ATAD5: variants seen among roughly 807,000 people sequenced by gnomAD.
ATAD5 encodes the protein ATPase family AAA domain containing 5.
In ATAD5, 58 loss-of-function variants were observed where a neutral mutation model predicts 176.9. That is an observed-to-expected ratio of 0.33 (90% CI 0.27 to 0.41). The LOEUF (loss-of-function observed/expected upper bound fraction) is 0.41. Among genes scored for constraint, ATAD5 ranks in the 10% least tolerant of loss-of-function variants. The probability of loss-of-function intolerance (pLI) is 1.00; values close to 1 mark genes in which losing one functional copy is unlikely to be tolerated. For missense variants in ATAD5, 1,789 were observed against 2,094.1 expected, an observed-to-expected ratio of 0.85 and a Z score of 2.84; for synonymous variants, 640 against 712.6, an observed-to-expected ratio of 0.90 and a Z score of 1.62.
intron 22 of ATAD5, 31 bp downstream of exon 22, chr17:30,894,753 A>G (rs1488820770): frequency 6.4e-7 from 1 of 1,573,848 alleles, no homozygotes; most frequent in Non-Finnish European, 8.6e-7. Flanking sequence ...AACATTTTAG[A>G]TAGCTTTTTC....
chr17:30,852,891 C>CTTT (rs534378483), intron 6 of ATAD5, among the ~76,000 whole-genome samples: 1 of 141,636 alleles, frequency 7.1e-6, no homozygotes, highest in Admixed American at 7.1e-5. Context: ...ATATTTCTTT[C>CTTT]TTTTTTTTTT....
At position 30,843,987 on chromosome 17, in the gene ATAD5, T is replaced by C; in HGVS notation, c.2316T>C (p.Cys772=). 6.4e-7 allele frequency: 1 copy of C among 1,564,428 alleles called. No individual in the cohort carries two copies. Among genetic ancestry groups the C allele is most frequent in the Non-Finnish European group, 8.6e-7 (1 of 1,156,314 alleles). The change falls in exon 5 of 23, where the codon TGT becomes TGC. Residue 772 remains cysteine (C), a synonymous_variant. Coordinates refer to ENST00000321990, the MANE Select transcript of ATAD5 (RefSeq NM_024857.5). ...HPEKNQKKLQ[C]LNDVLGKKLN... ...AGAAAAATCAGAAGAAACTTCAGTG[T>C]TTGAATGATGTGCTAGGAAAAAAAC...
At chr17:30,891,772 G>A (rs1037294287) in intron 19 of ATAD5, among the ~76,000 whole-genome samples, 21 of 152,002 alleles carry the variant, frequency 1.4e-4, no homozygotes, top group Admixed American at 1.4e-3. Flanking sequence ...TGCAACCTCC[G>A]CCTCCCAGGT....
At chr17:30,860,950 C>T (rs1046047199) in intron 10 of ATAD5, among the ~76,000 whole-genome samples, 16 of 151,628 alleles carry the variant, frequency 1.1e-4, no homozygotes, top group African/African-American at 3.1e-4. Flanking sequence ...CACGGTCGCC[C>T]GGGCTGGAGC....
intron 2 of ATAD5, 123 bp downstream of exon 2, chr17:30,836,171 A>T: frequency 1.1e-6 from 1 of 887,906 alleles, no homozygotes; most frequent in Non-Finnish European, 1.6e-6. Context: ...AAGAAAAAGA[A>T]CAGGATTTCT....
chr17:30,894,666 C>G lies in ATAD5; in HGVS notation c.5400C>G (p.Thr1800=), dbSNP rs772410301. 2 of 1,613,254 alleles carry G rather than the reference C, an allele frequency of 1.2e-6. No homozygotes were observed. Among genetic ancestry groups the G allele is most frequent in the Non-Finnish European group, 8.5e-7 (1 of 1,179,652 alleles). Residue 1800 remains threonine, a synonymous_variant, in exon 22 of 23, where the codon ACC becomes ACG. Transcript: ENST00000321990. The part of the protein sequence containing the change: ...RQASIIEYLP[T]LRNICKTEKL... ...CTAGTATAATTGAATACCTGCCAAC[C>G]CTTCGAAACATCTGTAAGACTGAGA...
In ATAD5 at chr17:30,835,729, C is replaced by T; in HGVS notation, c.1648C>T (p.Leu550=). ...VYEDIANDDL[L]KVSSLCNNNK... ...TGAAGATATAGCAAATGATGACCTT[C>T]TAAAGGTTTCCTCTCTGTGTAACAA... The change falls in exon 2 of 23, where the codon CTA becomes TTA. Residue 550 remains leucine (L), a synonymous_variant. Coordinates refer to ENST00000321990, the MANE Select transcript of ATAD5 (RefSeq NM_024857.5). The T allele has an allele frequency of 6.2e-7, 1 of 1,612,140 alleles. No homozygotes were observed. Among genetic ancestry groups the T allele is most frequent in the Non-Finnish European group, 8.5e-7 (1 of 1,179,528 alleles).
At chr17:30,849,277 A>G (rs1906726910) in intron 6 of ATAD5, among the ~76,000 whole-genome samples, 1 of 152,060 alleles carries the variant, frequency 6.6e-6, no homozygotes, top group South Asian at 2.1e-4. Flanking sequence ...TCCCTCCACT[A>G]TAAGAGATGG....
intron 18 of ATAD5, 133 bp from the exon 19 acceptor site, chr17:30,887,059 A>C (rs1909362641): frequency 1.6e-6 from 1 of 632,476 alleles, no homozygotes; most frequent in African/African-American, 1.9e-5. Flanking sequence ...AAGCAGTTTC[A>C]TCCTCAAGAA....
Position 30,868,397 on chromosome 17 carries a change from G to C in ATAD5, c.3298G>C (p.Asp1100His). The stretch of plus-strand genomic sequence containing the variant: ...AAGGCAGAATCTGAAGGGAAAAAGA[G>C]ATGAGAAACATGAAGGTATTTTGTG... ...EERQNLKGKR[D>H]EKHEDFSGGI... Residue 1100 changes from aspartate to histidine, a missense_variant, in exon 12 of 23, where the codon GAT becomes CAT. Around this residue, in one of 6 missense-constraint regions of ATAD5, gnomAD observed 487 missense variants for 573.6 expected, o/e 0.85. Coordinates refer to ENST00000321990, the MANE Select transcript of ATAD5 (RefSeq NM_024857.5). 1 of 1,542,294 alleles carries C rather than the reference G, an allele frequency of 6.5e-7. No individual in the cohort carries two copies. The highest frequency in any genetic ancestry group is 8.7e-7 in the Non-Finnish European group (1 of 1,145,510).
At chr17:30,837,870 A>G (rs1233529420) in intron 3 of ATAD5, among the ~76,000 whole-genome samples, 2 of 152,156 alleles carry the variant, frequency 1.3e-5, no homozygotes, top group African/African-American at 4.8e-5. Context: ...TTTTCAGGGG[A>G]TGTATTCAGT....
chr17:30,860,315 C>A, intron 9 of ATAD5, 118 bp from the exon 10 acceptor site: 1 of 1,183,480 alleles, frequency 8.4e-7, no homozygotes, highest in Non-Finnish European at 1.2e-6. Flanking sequence ...TGAGCCACTG[C>A]ACCTGGATTG....
intron 1 of ATAD5, among the ~76,000 whole-genome samples, chr17:30,833,515 A>G (rs768059520): frequency 4.6e-5 from 7 of 152,230 alleles, no homozygotes; most frequent in Non-Finnish European, 4.4e-5. Context: ...TTTTTGAAAA[A>G]TTAAATGGAA....
At chr17:30,873,491 T>C (rs945402530) in intron 14 of ATAD5, among the ~76,000 whole-genome samples, 1 of 151,872 alleles carries the variant, frequency 6.6e-6, no homozygotes, top group Admixed American at 6.6e-5. Flanking sequence ...CTAATATTTG[T>C]GTTTTTAGTA....
At position 30,855,134 on chromosome 17, in the gene ATAD5, T is replaced by C; in HGVS notation, c.2451-9T>C. The C allele has an allele frequency of 6.3e-7, 1 of 1,578,116 alleles. No individual in the cohort carries two copies. Among genetic ancestry groups the C allele is most frequent in the Non-Finnish European group, 8.6e-7 (1 of 1,164,064 alleles). On this transcript the variant is annotated splice_polypyrimidine_tract_variant and intron_variant, in intron 6 of 22. Coordinates refer to ENST00000321990, the MANE Select transcript of ATAD5 (RefSeq NM_024857.5). Reference sequence around the variant, plus strand: ...TTAGCTTTTCTTTTTCAAATCATTTTCTTAAAAGTCAAGATACATCTGAAA... The same window carrying C: ...TTAGCTTTTCTTTTTCAAATCATTTCCTTAAAAGTCAAGATACATCTGAAA...
At chr17:30,847,447 C>T (rs1243379719) in intron 6 of ATAD5, among the ~76,000 whole-genome samples, 1 of 151,864 alleles carries the variant, frequency 6.6e-6, no homozygotes, top group Non-Finnish European at 1.5e-5. Context: ...TCTCCTGCCT[C>T]AGACTCCCGA....
In ATAD5 at chr17:30,837,190, C is replaced by T. The variant is rs1905798511; in HGVS notation, c.1968-16C>T. 3 of 1,335,250 alleles carry T rather than the reference C, an allele frequency of 2.2e-6. No individual in the cohort carries two copies. Among genetic ancestry groups the T allele is most frequent in the Non-Finnish European group, 2.1e-6 (2 of 972,374 alleles). 82.7% of individuals were successfully genotyped at this position (1,335,250 alleles called of 1,614,324 possible). A position where few individuals can be genotyped will look rare whatever the true frequency, so the allele number is the denominator to read the frequency against. On this transcript the variant is annotated splice_polypyrimidine_tract_variant and intron_variant, in intron 2 of 22. Coordinates refer to ENST00000321990, the MANE Select transcript of ATAD5 (RefSeq NM_024857.5). ...TAATCATGAAAATGTTTCTGAATACCTTATTTTTATTTCAGAATGAAATTC... is the reference window on the plus strand; with the variant it reads ...TAATCATGAAAATGTTTCTGAATACTTTATTTTTATTTCAGAATGAAATTC...
chr17:30,834,210 A>G lies in ATAD5; in HGVS notation c.129A>G (p.Leu43=), dbSNP rs758520362. The change falls in exon 2 of 23, where the codon TTA becomes TTG. Residue 43 remains leucine, a synonymous_variant. Coordinates refer to ENST00000321990, the MANE Select transcript of ATAD5 (RefSeq NM_024857.5). ...TSTCKTITKY[L]SPLGKTRDRV... is the part of the protein sequence containing the mutation. Reference sequence around the variant, plus strand: ...CCTGCAAAACAATTACAAAATATTTATCACCACTAGGGAAGACTAGAGACA... The same window carrying G: ...CCTGCAAAACAATTACAAAATATTTGTCACCACTAGGGAAGACTAGAGACA... The G allele has an allele frequency of 2.5e-6, 4 of 1,596,394 alleles. No homozygotes were observed. Among genetic ancestry groups the G allele is most frequent in the East Asian group, 2.2e-5 (1 of 44,650 alleles).
At chr17:30,878,718 G>GGTTTTTTTTTTTTTTT (rs1908812554) in intron 17 of ATAD5, among the ~76,000 whole-genome samples, 2 of 56,838 alleles carry the variant, frequency 3.5e-5, no homozygotes, top group African/African-American at 1.3e-4. Context: ...GTTAGGTGGT[G>GGTTTTTTTTTTTTTTT]TTTTTTTTTT....
Sources: allele counts gnomAD v4.1 joint callset (sites outside exome capture counted in the v4.1 genomes callset), GRCh38; gene constraint gnomAD v4.1.1; regional missense constraint gnomAD v4.1.1; transcripts MANE v1.5; gene names NCBI Gene and HGNC (gene_info 2026-07-23, HGNC 2026-07-21).